Variants in PCDHA10 observed in about 807,000 individuals in gnomAD.
PCDHA10 encodes the protein protocadherin alpha 10.
PCDHA10 carries 45 observed loss-of-function variants against 61.2 expected under a neutral mutation model. The ratio of observed to expected loss-of-function variants is 0.74; its 90% CI spans 0.58 to 0.94. PCDHA10 has a LOEUF of 0.94. Among genes scored for constraint, PCDHA10 ranks in the 40% least tolerant of loss-of-function variants. The pLI is 0.00. For missense variants in PCDHA10, 1,278 were observed against 1,236.2 expected (o/e 1.03, Z -0.51); for synonymous variants, 602 against 548.8 (o/e 1.10, Z -1.35).
chr5:140,976,353 C>T (rs1401617354), intron 1 of PCDHA10, among the ~76,000 whole-genome samples: 2 of 151,992 alleles, frequency 1.3e-5, no homozygotes, highest in African/African-American at 2.4e-5. Context: ...GTGTTCAAGA[C>T]CAGCCTGGCC....
chr5:140,901,642 C>T lies in PCDHA10; in HGVS notation c.2388+43206C>T, dbSNP rs369623028. Among the ~76,000 whole-genome samples, 37 of 152,054 alleles carry T rather than the reference C, an allele frequency of 2.4e-4. No individual in the cohort carries two copies. In the East Asian group the frequency reaches 3.3e-3, roughly 13 times the overall value. On this transcript the variant is annotated intron_variant, in intron 1 of 3. Transcript: ENST00000307360. ...TTGAAGTCAGGTAATGTGATTCTTC[C>T]GGTTTTGTTCTTTTTGCTCAAGATA...
intron 3 of PCDHA10, among the ~76,000 whole-genome samples, chr5:140,989,866 T>G (rs2097364293): frequency 6.6e-6 from 1 of 152,012 alleles, no homozygotes; most frequent in South Asian, 2.1e-4. Flanking sequence ...GGAATCTTTC[T>G]CTGCCTCAGC....
intron 1 of PCDHA10, among the ~76,000 whole-genome samples, chr5:140,874,875 C>T (rs1198638735): frequency 2.6e-5 from 4 of 152,134 alleles, no homozygotes; most frequent in African/African-American, 9.7e-5. Flanking sequence ...TTGTTAAATA[C>T]AAATTCCTAA....
At chr5:140,943,266 AAAAAAAAAAAAG>A (rs2093453056) in intron 1 of PCDHA10, among the ~76,000 whole-genome samples, 1 of 150,226 alleles carries the variant, frequency 6.7e-6, no homozygotes, top group African/African-American at 2.5e-5. Context: ...TCAAAAAAAA[AAAAAAAAAAAAG>A]AAAGAAAGAA....
At chr5:140,940,764 G>C (rs977154290) in intron 1 of PCDHA10, among the ~76,000 whole-genome samples, 1 of 152,080 alleles carries the variant, frequency 6.6e-6, no homozygotes, top group Non-Finnish European at 1.5e-5. Context: ...ACTTTTATTT[G>C]ACTTTTGATG....
At chr5:140,922,373 C>A (rs1337198160) in intron 1 of PCDHA10, among the ~76,000 whole-genome samples, 1 of 152,158 alleles carries the variant, frequency 6.6e-6, no homozygotes, top group African/African-American at 2.4e-5. Context: ...CACTGAGATG[C>A]AAAACCAAAG....
rs782279735 is a variant in PCDHA10 at position 140,856,463 on chromosome 5, C to T, written c.415C>T (p.Leu139Phe). 1.3e-6 allele frequency: 2 copies of T among 1,598,356 alleles called. No homozygotes were observed. The highest frequency in any genetic ancestry group is 3.4e-5 in the Admixed American group (2 of 59,236). The change falls in exon 1 of 4, where the codon CTC (leucine) becomes TTC (phenylalanine). Residue 139 changes from leucine (L) to phenylalanine (F), a missense_variant. Coordinates refer to ENST00000307360, the MANE Select transcript of PCDHA10 (RefSeq NM_018901.4). ...PPRFSVTEQK[L>F]SIPESRLLDS... The stretch of plus-strand genomic sequence containing the variant: ...CAGGTTCTCCGTAACAGAACAAAAG[C>T]TCTCAATACCTGAATCCAGACTGCT...
intron 3 of PCDHA10, among the ~76,000 whole-genome samples, chr5:141,006,584 GA>G (rs1353712503): frequency 6.6e-6 from 1 of 152,126 alleles, no homozygotes; most frequent in Non-Finnish European, 1.5e-5. Context: ...GAGGGTTGGA[GA>G]GAAGCAAAAG....
chr5:140,903,958 T>G (rs960235173), intron 1 of PCDHA10, among the ~76,000 whole-genome samples: 1 of 152,236 alleles, frequency 6.6e-6, no homozygotes, highest in Non-Finnish European at 1.5e-5. Context: ...GAAAATTATT[T>G]GTTGATTTTT....
chr5:140,883,109 T>C (rs782237873), intron 1 of PCDHA10: 95 of 1,613,962 alleles, frequency 5.9e-5, no homozygotes, highest in Non-Finnish European at 8.0e-5. Context: ...AGTTTACTCA[T>C]TTAGAAGGCC....
chr5:141,010,432 C>CA lies in PCDHA10; in HGVS notation c.*498dup. ...AATTGGTACAAGGAAGGCAAGAAAA[C>CA]AAAGACAAATAAACAGCGGAAGTTA... On this transcript the variant is annotated 3_prime_UTR_variant, in exon 4 of 4. Transcript: ENST00000307360. 2.8e-6 allele frequency: 3 copies of CA among 1,056,970 alleles called. No homozygotes were observed. The highest frequency in any genetic ancestry group is 4.0e-6 in the Non-Finnish European group (3 of 756,282). The allele number at this position is 1,056,970 out of a possible 1,614,324, so 65.5% of individuals were successfully genotyped here.
chr5:140,879,685 A>G (rs2058084553), intron 1 of PCDHA10, among the ~76,000 whole-genome samples: 1 of 152,266 alleles, frequency 6.6e-6, no homozygotes, highest in East Asian at 1.9e-4. Flanking sequence ...GCTGTAAAAC[A>G]GCAAAAGTTT....
intron 1 of PCDHA10, chr5:140,869,808 C>A: frequency 6.2e-7 from 1 of 1,612,402 alleles, no homozygotes; most frequent in South Asian, 1.1e-5. Context: ...TCTTGGATGT[C>A]AACGACAATG....
chr5:140,878,084 T>C (rs782330226), intron 1 of PCDHA10: 82 of 330,796 alleles, frequency 2.5e-4, no homozygotes, highest in Admixed American at 2.3e-4. Flanking sequence ...TATAATATTT[T>C]ATATGACTGA....
intron 1 of PCDHA10, among the ~76,000 whole-genome samples, chr5:140,960,872 AAT>A (rs2095576865): frequency 6.6e-6 from 1 of 152,232 alleles, no homozygotes; most frequent in Admixed American, 6.5e-5. Flanking sequence ...AATTAGCTGA[AAT>A]ACACACTAAT....
chr5:140,954,025 C>A (rs533473552), intron 1 of PCDHA10, among the ~76,000 whole-genome samples: 1 of 152,072 alleles, frequency 6.6e-6, no homozygotes, highest in African/African-American at 2.4e-5. Context: ...CATAGTGGGA[C>A]GATGTGGTAT....
intron 3 of PCDHA10, among the ~76,000 whole-genome samples, chr5:141,003,237 T>G (rs1357530548): frequency 6.6e-6 from 1 of 152,228 alleles, no homozygotes; most frequent in Non-Finnish European, 1.5e-5. Flanking sequence ...CTGGAAATTT[T>G]GCCAAAAAGA....
intron 3 of PCDHA10, among the ~76,000 whole-genome samples, chr5:140,987,644 T>G (rs1461630900): frequency 6.6e-6 from 1 of 152,220 alleles, no homozygotes; most frequent in Non-Finnish European, 1.5e-5. Context: ...TGCACACATA[T>G]TGCAGAATCT....
chr5:140,887,125 C>A (rs1391575318), intron 1 of PCDHA10, among the ~76,000 whole-genome samples: 1 of 150,082 alleles, frequency 6.7e-6, no homozygotes, highest in East Asian at 2.0e-4. Context: ...GAGACGGAGT[C>A]TCACTCTGTC....
Sources: gnomAD v4.1 joint callset for allele counts (sites outside exome capture counted in the v4.1 genomes callset) on GRCh38, gnomAD v4.1.1 for gene constraint, MANE v1.5 for transcripts, NCBI Gene and HGNC (gene_info 2026-07-23, HGNC 2026-07-21) for gene names.